Variants in CDC42SE1 observed in about 807,000 individuals in gnomAD.
The protein encoded by CDC42SE1 is CDC42 small effector 1, also known as CDC42 small effector protein 1.
A neutral mutation model predicts 10.9 loss-of-function variants in CDC42SE1; 10 were observed. The ratio of observed to expected loss-of-function variants is 0.92; its 90% confidence interval spans 0.57 to 1.56. The LOEUF is 1.56. Among genes scored for constraint, CDC42SE1 ranks in the 40% most tolerant of loss-of-function variants. CDC42SE1 has a pLI of 0.00. For missense variants in CDC42SE1, 81 were observed against 100.8 expected (o/e 0.80, Z 0.84); for synonymous variants, 24 against 32.0 (o/e 0.75, Z 0.85).
intron 4 of CDC42SE1, among the ~76,000 whole-genome samples, 171 bp from the exon 5 acceptor site, chr1:151,053,498 T>C (rs1023997344): frequency 1.3e-5 from 2 of 152,194 alleles, no homozygotes; most frequent in African/African-American, 4.8e-5. Flanking sequence ...CTTTTTTTTT[T>C]TGAGATGGAA....
chr1:151,055,784 T>C lies in CDC42SE1; in HGVS notation c.-54A>G. The C allele has an allele frequency of 6.7e-7, 1 of 1,486,282 alleles. No individual in the cohort carries two copies. Among genetic ancestry groups the C allele is most frequent in the South Asian group, 1.2e-5 (1 of 86,316 alleles). The allele number at this position is 1,486,282 out of a possible 1,614,324, so 92.1% of individuals were successfully genotyped here. On this transcript the variant is annotated 5_prime_UTR_variant, in exon 2 of 5. Coordinates refer to ENST00000357235, the MANE Select transcript of CDC42SE1 (RefSeq NM_020239.4). ...CTGTCTGAGGCCCCAAAGGGCTCTTTCCCTGGTGTTTGGACAACCCACTCC... is the reference window on the plus strand; with the variant it reads ...CTGTCTGAGGCCCCAAAGGGCTCTTCCCCTGGTGTTTGGACAACCCACTCC...
At chr1:151,055,570 G>T in intron 2 of CDC42SE1, 107 bp downstream of exon 2, 1 of 895,242 alleles carries the variant, frequency 1.1e-6, no homozygotes, top group Non-Finnish European at 1.8e-6. Context: ...ACAGAGGGAG[G>T]CAAGAAGTGT....
At chr1:151,053,805 C>T (rs1256321744) in intron 4 of CDC42SE1, among the ~76,000 whole-genome samples, 3 of 148,010 alleles carry the variant, frequency 2.0e-5, no homozygotes, top group African/African-American at 7.5e-5. Flanking sequence ...CTTGAATCTT[C>T]CCTTCTAATT....
intron 2 of CDC42SE1, 158 bp downstream of exon 2, chr1:151,055,519 T>C: frequency 1.5e-6 from 1 of 680,056 alleles, no homozygotes; most frequent in Non-Finnish European, 2.7e-6. Flanking sequence ...CAGTCCCCTT[T>C]GTTCCACATA....
intron 3 of CDC42SE1, among the ~76,000 whole-genome samples, chr1:151,054,735 G>A (rs1676247400): frequency 6.6e-6 from 1 of 152,132 alleles, no homozygotes; most frequent in Non-Finnish European, 1.5e-5. Flanking sequence ...ATTAGGAGAA[G>A]GGAGAGTTAT....
chr1:151,055,350 A>C (rs1448142444), intron 2 of CDC42SE1: 1 of 591,712 alleles, frequency 1.7e-6, no homozygotes, highest in East Asian at 2.8e-5. Context: ...CTGCAGAGTG[A>C]ACACTGGACA....
intron 1 of CDC42SE1, chr1:151,056,809 T>G (rs1676287187): frequency 6.6e-6 from 1 of 152,350 alleles, no homozygotes; most frequent in African/African-American, 2.4e-5. Context: ...TGTGGGTACA[T>G]GTGCCAGGTA....
chr1:151,054,336 A>G lies in CDC42SE1; in HGVS notation c.166-15T>C. 6.2e-7 allele frequency: 1 copy of G among 1,604,522 alleles called. No homozygotes were observed. The highest frequency in any genetic ancestry group is 8.5e-7 in the Non-Finnish European group (1 of 1,171,546). ...ACTGCACCTGTCTGTAAAAAAACAG[A>G]TGCGAGACACCTTCGTAAGTCTTCA... On this transcript the variant is annotated splice_polypyrimidine_tract_variant and intron_variant, in intron 3 of 4. Coordinates refer to ENST00000357235, the MANE Select transcript of CDC42SE1 (RefSeq NM_020239.4).
intron 3 of CDC42SE1, among the ~76,000 whole-genome samples, chr1:151,054,563 G>C (rs1279314034): frequency 6.6e-6 from 1 of 152,094 alleles, no homozygotes; most frequent in Admixed American, 6.5e-5. Flanking sequence ...CTATATATCT[G>C]AGTTTCAGGA....
rs903676970 is a variant in CDC42SE1, at chr1:151,055,502, C to T, written c.54+175G>A. The stretch of plus-strand genomic sequence containing the variant: ...AATAGCTAGGACTATTCACTTCTTC[C>T]ATCACCCAGTCCCCTTTGTTCCACA... On this transcript the variant is annotated intron_variant, in intron 2 of 4. Coordinates refer to ENST00000357235, the MANE Select transcript of CDC42SE1 (RefSeq NM_020239.4). 8 of 649,170 alleles carry T rather than the reference C, an allele frequency of 1.2e-5. No individual in the cohort carries two copies. The African/African-American group carries it at 1.4e-4, about 12-fold the overall frequency. 40.2% of individuals were successfully genotyped at this position (649,170 alleles called of 1,614,324 possible).
intron 1 of CDC42SE1, chr1:151,058,818 C>A (rs587696974): frequency 2.0e-5 from 3 of 152,422 alleles, no homozygotes; most frequent in African/African-American, 7.2e-5. Flanking sequence ...CCCGGTCCCA[C>A]CGCCTCTGGC....
In CDC42SE1 at chr1:151,052,687, A is replaced by G. The variant is rs1676204628; in HGVS notation, c.*657T>C. ...AGAGAACCTGAATTAAATTTTTAAT[A>G]TTTTAAAAAAGGAAAGTTGCTGGGA... On this transcript the variant is annotated 3_prime_UTR_variant, in exon 5 of 5. Transcript: ENST00000357235. The G allele has an allele frequency of 6.6e-6, 1 of 152,512 alleles. No homozygotes were observed. The highest frequency in any genetic ancestry group is 1.5e-5 in the Non-Finnish European group (1 of 68,040). The allele number at this position is 152,512 out of a possible 1,614,324, so 9.4% of individuals were successfully genotyped here. A position where few individuals can be genotyped will look rare whatever the true frequency, so the allele number is the denominator to read the frequency against.
rs773824615 is a variant in CDC42SE1 at position 151,057,969 on chromosome 1, G to A, written c.-264+1510C>T. On this transcript the variant is annotated intron_variant, in intron 1 of 4. Coordinates refer to ENST00000357235, the MANE Select transcript of CDC42SE1 (RefSeq NM_020239.4). The surrounding 1 kb of genome is among the most constrained non-coding windows in gnomAD (Gnocchi z 4.0). ...TAGGGTTTGTCCTGATGGTGGTGGT[G>A]GCAGGTGGTAAGGGTTGGGGAAAAA... The A allele has an allele frequency of 2.0e-5, 3 of 152,400 alleles. No individual in the cohort carries two copies. The highest frequency in any genetic ancestry group is 4.4e-5 in the Non-Finnish European group (3 of 68,176). The allele number at this position is 152,400 out of a possible 1,614,324, so 9.4% of individuals were successfully genotyped here.
intron 1 of CDC42SE1, chr1:151,058,392 C>A (rs1032381310): frequency 1.3e-5 from 2 of 152,310 alleles, no homozygotes; most frequent in Admixed American, 6.6e-5. Flanking sequence ...GGGAACAAAG[C>A]CAGAAAAGGA....
intron 4 of CDC42SE1, among the ~76,000 whole-genome samples, chr1:151,053,978 C>T (rs375206112): frequency 1.1e-4 from 17 of 152,054 alleles, no homozygotes; most frequent in African/African-American, 4.1e-4. Context: ...TACAGGAGCA[C>T]GCCACTGTGC....
rs1331585554 is a variant in CDC42SE1, at chr1:151,057,352, T to C, written c.-263-1359A>G. ...GCCTGGCCAACATGGTGAAACCCCA[T>C]CTCTGCTAAAAATACAAAAGATTAG... On this transcript the variant is annotated intron_variant, in intron 1 of 4. Transcript: ENST00000357235. The surrounding 1 kb of genome is among the most constrained non-coding windows in gnomAD (Gnocchi z 4.0). 6.6e-6 allele frequency among the ~76,000 whole-genome samples: 1 copy of C among 152,002 alleles called. No homozygotes were observed. The highest frequency in any genetic ancestry group is 1.9e-4 in the East Asian group (1 of 5,182).
rs1571850193 is a variant in CDC42SE1 at position 151,051,818 on chromosome 1, G to GT, written c.*1525dup. The GT allele has an allele frequency of 6.5e-6, 1 of 152,690 alleles. No individual in the cohort carries two copies. Among genetic ancestry groups the GT allele is most frequent in the East Asian group, 1.9e-4 (1 of 5,178 alleles). 9.5% of individuals were successfully genotyped at this position (152,690 alleles called of 1,614,324 possible). On this transcript the variant is annotated 3_prime_UTR_variant, in exon 5 of 5. Transcript: ENST00000357235. ...TTAAAATTTGGGGAGGATAAGGAGT[G>GT]TATCTACTGCTTCTCTCTCCCCTTT...
chr1:151,056,138 A>G, intron 1 of CDC42SE1, 145 bp from the exon 2 acceptor site: 1 of 188,410 alleles, frequency 5.3e-6, no homozygotes, highest in Non-Finnish European at 1.1e-5. Context: ...CCCAAACACT[A>G]TGAACCTCAG....
intron 4 of CDC42SE1, 36 bp downstream of exon 4, chr1:151,054,195 G>C: frequency 7.7e-7 from 1 of 1,300,094 alleles, no homozygotes; most frequent in Admixed American, 1.7e-5. Flanking sequence ...CTGTTATGGG[G>C]GCTGAGGTGT....
Sources: allele counts gnomAD v4.1 joint callset (sites outside exome capture counted in the v4.1 genomes callset), GRCh38; gene constraint gnomAD v4.1.1; non-coding constraint Gnocchi (gnomAD v3.1); transcripts MANE v1.5; gene names NCBI Gene and HGNC (gene_info 2026-07-23, HGNC 2026-07-21).